Variants in PAPSS2 observed in about 807,000 individuals in gnomAD.
The protein encoded by PAPSS2 is bifunctional 3'-phosphoadenosine 5'-phosphosulfate synthase 2.
Under a neutral mutation model 66.5 loss-of-function variants are expected in PAPSS2, and 61 were observed. The ratio of observed to expected loss-of-function variants is 0.92; its 90% confidence interval spans 0.75 to 1.14. PAPSS2 has a LOEUF of 1.14. PAPSS2 is among the 50% of genes most tolerant of loss of function. The pLI is 0.00. For synonymous variants in PAPSS2, 289 were observed against 287.5 expected, an observed-to-expected ratio of 1.01 and a Z score of -0.05; for missense variants, 708 against 789.6, an observed-to-expected ratio of 0.90 and a Z score of 1.24.
intron 11 of PAPSS2, 148 bp downstream of exon 11, chr10:87,743,789 T>G (rs1434860083): frequency 2.0e-6 from 2 of 985,850 alleles, no homozygotes; most frequent in African/African-American, 1.6e-5. Context: ...CTAGCTTAAT[T>G]ATGTTTCCAC....
intron 7 of PAPSS2, among the ~76,000 whole-genome samples, chr10:87,717,180 T>C (rs991253455): frequency 6.6e-6 from 1 of 152,194 alleles, no homozygotes; most frequent in African/African-American, 2.4e-5. Context: ...TTTTGACACA[T>C]GCTGAACACC....
At chr10:87,717,589 G>T (rs1853546931) in intron 7 of PAPSS2, among the ~76,000 whole-genome samples, 1 of 152,058 alleles carries the variant, frequency 6.6e-6, no homozygotes, top group Admixed American at 6.6e-5. Flanking sequence ...TAGAAATAGG[G>T]TCTTGCTCCA....
At chr10:87,691,114 A>G (rs1433180830) in intron 1 of PAPSS2, among the ~76,000 whole-genome samples, 3 of 152,284 alleles carry the variant, frequency 2.0e-5, no homozygotes, top group South Asian at 4.1e-4. Context: ...TCTGTGACTC[A>G]GCCAAGATTA....
Position 87,741,298 on chromosome 10 carries a change from T to C in PAPSS2, c.1150T>C (p.Trp384Arg). The C allele has an allele frequency of 6.2e-7, 1 of 1,613,674 alleles. No individual in the cohort carries two copies. The highest frequency in any genetic ancestry group is 8.5e-7 in the Non-Finnish European group (1 of 1,179,572). ...GDLQVLEKIR[W>R]NDGLDQYRLT... ...CCTTCAGGTGCTGGAGAAAATAAGA[T>C]GGAATGATGGGCTGGACCAATACCG... The change falls in exon 10 of 13, where the codon TGG becomes CGG. Residue 384 changes from tryptophan to arginine, a missense_variant. By Grantham distance (101) the Trp-to-Arg change is moderately radical. Transcript: ENST00000456849.
chr10:87,721,764 CT>C lies in PAPSS2; in HGVS notation c.876del (p.Pro293LeufsTer4). ...HFDTLLDGMALPDGVINMSIP... is the reference protein window; with the variant it reads ...HFDTLLDGMAXPDGVINMSIP... ...TGTTTATATTTCCCTAGGCATGGCC[CT>C]TCCTGGTATGTACTTTAACTTTCCA... On this transcript the variant is annotated frameshift_variant, in exon 8 of 13. Coordinates refer to ENST00000456849, the MANE Select transcript of PAPSS2 (RefSeq NM_001015880.2). LOFTEE classifies it high-confidence loss of function. The C allele has an allele frequency of 6.6e-7, 1 of 1,524,958 alleles. No homozygotes were observed. The highest frequency in any genetic ancestry group is 2.4e-5 in the East Asian group (1 of 41,022). 94.5% of individuals were successfully genotyped at this position (1,524,958 alleles called of 1,614,324 possible).
chr10:87,688,546 G>A (rs944031436), intron 1 of PAPSS2, among the ~76,000 whole-genome samples: 25 of 151,316 alleles, frequency 1.7e-4, no homozygotes, highest in African/African-American at 5.8e-4. Context: ...CTCAAGCTCC[G>A]CCCCCCGGGT....
At chr10:87,674,081 C>A (rs71477163) in intron 1 of PAPSS2, among the ~76,000 whole-genome samples, 284 of 152,192 alleles carry the variant, frequency 1.9e-3, no homozygotes, top group Non-Finnish European at 3.2e-3. Context: ...CAAATCAACC[C>A]CTTCAAGACT....
intron 1 of PAPSS2, among the ~76,000 whole-genome samples, chr10:87,701,340 C>A (rs1352015450): frequency 1.7e-5 from 1 of 59,298 alleles, no homozygotes; most frequent in Non-Finnish European, 3.3e-5. Flanking sequence ...TTCTTTCTTT[C>A]TTTCTTTCTT....
intron 7 of PAPSS2, among the ~76,000 whole-genome samples, chr10:87,720,331 G>A (rs931661954): frequency 6.6e-6 from 1 of 152,208 alleles, no homozygotes; most frequent in Non-Finnish European, 1.5e-5. Context: ...AGCCTGGAGG[G>A]TATCAGGAGG....
At position 87,737,372 on chromosome 10, in the gene PAPSS2, TA is replaced by T. The variant is rs35559193; in HGVS notation, c.1087-3852del. Among the ~76,000 whole-genome samples the T allele has an allele frequency of 3.8e-3, 568 of 147,726 alleles. 3 individuals are homozygous for T. The highest frequency in any genetic ancestry group is 0.015 in the South Asian group (72 of 4,646). On this transcript the variant is annotated intron_variant, in intron 9 of 12. Transcript: ENST00000456849. ...GTGAGTTAAAAAACGGTGGTTCCTCTAAAAAAAAAAATTAAGGTAAAAAACA... is the reference window on the plus strand; with the variant it reads ...GTGAGTTAAAAAACGGTGGTTCCTCTAAAAAAAAAATTAAGGTAAAAAACA...
In PAPSS2 at chr10:87,713,312, T is replaced by TAAG; in HGVS notation, c.381+4_381+5insGAA. ...AGCTTTATTTCTCCATTCGCAAAGG[T>TAAG]AAAAAAAAAAAAAAAAAAAAAAGGC... On this transcript the variant is annotated splice_region_variant and intron_variant, in intron 3 of 12. Transcript: ENST00000456849. The TAAG allele has an allele frequency of 1.7e-6, 1 of 573,440 alleles. No homozygotes were observed. The highest frequency in any genetic ancestry group is 2.6e-6 in the Non-Finnish European group (1 of 382,484). 35.5% of individuals were successfully genotyped at this position (573,440 alleles called of 1,614,324 possible). A position where few individuals can be genotyped will look rare whatever the true frequency, so the allele number is the denominator to read the frequency against.
chr10:87,718,270 A>G (rs1302460018), intron 7 of PAPSS2, among the ~76,000 whole-genome samples: 1 of 151,974 alleles, frequency 6.6e-6, no homozygotes, highest in African/African-American at 2.4e-5. Flanking sequence ...ACTTCAGATA[A>G]TCTGCCCGCC....
At chr10:87,721,998 C>A (rs1853604019) in intron 8 of PAPSS2, among the ~76,000 whole-genome samples, 1 of 152,162 alleles carries the variant, frequency 6.6e-6, no homozygotes, top group Admixed American at 6.5e-5. Flanking sequence ...TATGATGTAG[C>A]ATTTGGCTGA....
intron 1 of PAPSS2, among the ~76,000 whole-genome samples, chr10:87,674,465 A>G (rs1440829646): frequency 6.6e-6 from 1 of 152,128 alleles, no homozygotes; most frequent in Non-Finnish European, 1.5e-5. Context: ...TGCTCCCAGC[A>G]GTAATTTTTT....
chr10:87,711,746 C>T (rs980428355), intron 2 of PAPSS2, among the ~76,000 whole-genome samples: 2 of 152,108 alleles, frequency 1.3e-5, no homozygotes, highest in Admixed American at 1.3e-4. Flanking sequence ...TCACCTTCCC[C>T]CCCACCCAAA....
In PAPSS2 at chr10:87,668,364, C is replaced by A. The variant is rs1389008857; in HGVS notation, c.27+8356C>A. Among the ~76,000 whole-genome samples, 3 of 152,272 alleles carry A rather than the reference C, an allele frequency of 2.0e-5. No individual in the cohort carries two copies. The East Asian group carries it at 5.8e-4, about 29-fold the overall frequency. ...CAACAATATTTATTGAATGACCAAA[C>A]CAGGATCTCTATTTGTCATAATTAA... On this transcript the variant is annotated intron_variant, in intron 1 of 12. Transcript: ENST00000456849.
rs537632168 is a variant in PAPSS2, at chr10:87,695,355, A to G, written c.28-13841A>G. Among the ~76,000 whole-genome samples, 45 of 152,312 alleles carry G rather than the reference A, an allele frequency of 3.0e-4. No individual in the cohort carries two copies. The South Asian group carries it at 9.3e-3, about 32-fold the overall frequency. Reference sequence around the variant, plus strand: ...AATTACCTGCCAAAGGCCCAACCCAATCCTATCACATTAGGCATTATGTTT... The same window carrying G: ...AATTACCTGCCAAAGGCCCAACCCAGTCCTATCACATTAGGCATTATGTTT... On this transcript the variant is annotated intron_variant, in intron 1 of 12. Coordinates refer to ENST00000456849, the MANE Select transcript of PAPSS2 (RefSeq NM_001015880.2).
Position 87,659,956 on chromosome 10 carries a change from C to G in PAPSS2, c.-26C>G. The G allele has an allele frequency of 6.2e-7, 1 of 1,611,868 alleles. No individual in the cohort carries two copies. The highest frequency in any genetic ancestry group is 8.5e-7 in the Non-Finnish European group (1 of 1,179,282). On this transcript the variant is annotated 5_prime_UTR_variant, in exon 1 of 13. Coordinates refer to ENST00000456849, the MANE Select transcript of PAPSS2 (RefSeq NM_001015880.2). ...CGTCCTTCGGTCTCTGCTCCCGGGA[C>G]CCGGGCTCCGCCGCAGCCAGCCAGC...
intron 1 of PAPSS2, among the ~76,000 whole-genome samples, chr10:87,697,684 C>T (rs561030217): frequency 6.6e-6 from 1 of 152,318 alleles, no homozygotes; most frequent in Admixed American, 6.5e-5. Flanking sequence ...ATTATGATTC[C>T]AAGTGAAAGA....
Sources: allele counts gnomAD v4.1 joint callset (sites outside exome capture counted in the v4.1 genomes callset), GRCh38; gene constraint gnomAD v4.1.1; transcripts MANE v1.5; gene names NCBI Gene and HGNC (gene_info 2026-07-23, HGNC 2026-07-21).